Variants in NLGN1 observed in about 807,000 individuals in gnomAD.
The protein encoded by NLGN1 is neuroligin 1.
NLGN1 carries 12 observed loss-of-function variants against 65.5 expected under a neutral mutation model. That is an observed-to-expected ratio of 0.18 (90% confidence interval 0.12 to 0.30). NLGN1 has a LOEUF of 0.30. Ranked by LOEUF, NLGN1 falls within the 10% of genes least tolerant of loss-of-function variation. The pLI is 1.00. For synonymous variants in NLGN1, 350 were observed against 359.5 expected (o/e 0.97, Z 0.30); for missense variants, 750 against 1,007.1 (o/e 0.74, Z 3.46).
chr3:174,179,805 G>T (rs1272421282), intron 4 of NLGN1, among the ~76,000 whole-genome samples: 3 of 152,016 alleles, frequency 2.0e-5, no homozygotes. Context: ...TTGAAGAATA[G>T]AACTTTAATT....
chr3:173,980,666 T>G (rs1455695640), intron 4 of NLGN1, among the ~76,000 whole-genome samples: 8 of 152,102 alleles, frequency 5.3e-5, no homozygotes, highest in Admixed American at 2.6e-4. Context: ...CATTGTATAA[T>G]GACACGGTAT....
intron 3 of NLGN1, among the ~76,000 whole-genome samples, chr3:173,697,799 G>A (rs1458463721): frequency 6.6e-6 from 1 of 151,978 alleles, no homozygotes; most frequent in African/African-American, 2.4e-5. Flanking sequence ...CAAAGTACTG[G>A]GATTACAGGC....
chr3:174,280,536 C>T lies in NLGN1; in HGVS notation c.1705C>T (p.Arg569Cys), dbSNP rs965800500. The T allele has an allele frequency of 5.6e-6, 9 of 1,612,724 alleles. No individual in the cohort carries two copies. The highest frequency in any genetic ancestry group is 1.7e-5 in the Admixed American group (1 of 59,850). ...GAAATTCATTCATACCAAACCCAAC[C>T]GTTTTGAAGAAGTAGCATGGACCAG... The change falls in exon 7 of 7, where the codon CGT becomes TGT. Residue 569 changes from arginine to cysteine, a missense_variant. By Grantham distance (180) the Arg-to-Cys change is radical. Coordinates refer to ENST00000457714, the Ensembl canonical transcript of NLGN1. This position sits in a 1 kb window ranked among gnomAD's most constrained non-coding sequence, Gnocchi z 4.9.
intron 3 of NLGN1, among the ~76,000 whole-genome samples, chr3:173,671,051 G>A (rs866004193): frequency 1.3e-5 from 2 of 152,044 alleles, no homozygotes; most frequent in South Asian, 2.1e-4. Context: ...ATTGAGGAAT[G>A]GTGTATTATT....
chr3:174,079,549 C>T (rs536409396), intron 4 of NLGN1, among the ~76,000 whole-genome samples: 46 of 152,096 alleles, frequency 3.0e-4, no homozygotes, highest in African/African-American at 1.1e-3. Context: ...GGTGTATATC[C>T]AAAGGAATAA....
At chr3:174,197,518 C>CAAAAAACAA (rs71624272) in intron 4 of NLGN1, among the ~76,000 whole-genome samples, 1 of 100,412 alleles carries the variant, frequency 1.0e-5, no homozygotes, top group Non-Finnish European at 1.9e-5. Flanking sequence ...TACTTAACCT[C>CAAAAAACAA]AAAAAAAAAA....
intron 4 of NLGN1, among the ~76,000 whole-genome samples, chr3:174,230,784 A>T (rs374063566): frequency 0.15 from 23,030 of 152,012 alleles, 2,186 homozygotes; most frequent in Non-Finnish European, 0.22. Context: ...TAAATATTTA[A>T]AAAAAATAGA....
chr3:173,538,019 G>C (rs985771795), intron 2 of NLGN1, among the ~76,000 whole-genome samples: 1 of 152,186 alleles, frequency 6.6e-6, no homozygotes, highest in Non-Finnish European at 1.5e-5. Flanking sequence ...TCACCTAGGG[G>C]AAGCATTTCT....
intron 2 of NLGN1, among the ~76,000 whole-genome samples, chr3:173,599,429 C>G (rs1750072300): frequency 6.6e-6 from 1 of 152,070 alleles, no homozygotes; most frequent in Non-Finnish European, 1.5e-5. Flanking sequence ...CTTTAACCAC[C>G]ACTAGTGTAT....
chr3:174,079,315 A>T (rs1006127291), intron 4 of NLGN1, among the ~76,000 whole-genome samples: 1 of 152,228 alleles, frequency 6.6e-6, no homozygotes, highest in Non-Finnish European at 1.5e-5. Flanking sequence ...CTTTAGAGAA[A>T]TGCCAGTCAA....
At chr3:173,913,963 A>G (rs760367414) in intron 4 of NLGN1, among the ~76,000 whole-genome samples, 4 of 152,216 alleles carry the variant, frequency 2.6e-5, no homozygotes, top group African/African-American at 7.2e-5. Flanking sequence ...GGAAACTTGT[A>G]TAGCATACTC....
rs76136919 is a variant in NLGN1 at position 173,717,818 on chromosome 3, G to A, written c.494-89862G>A. ...AATTAAAGATATCAAAATATCTCAC[G>A]TACCCCATAAATATATAAACCTACT... On this transcript the variant is annotated intron_variant, in intron 3 of 6. Transcript: ENST00000457714. Among the ~76,000 whole-genome samples the A allele has an allele frequency of 5.0e-3, 764 of 151,870 alleles. 7 individuals are homozygous for A. Among genetic ancestry groups the A allele is most frequent in the Non-Finnish European group, 5.5e-3 (374 of 67,932 alleles).
chr3:174,171,316 TCTTC>T (rs1222918785), intron 4 of NLGN1, among the ~76,000 whole-genome samples: 1 of 144,064 alleles, frequency 6.9e-6, no homozygotes, highest in Non-Finnish European at 1.5e-5. Context: ...CCTACATTTC[TCTTC>T]TTTATTAAAA....
intron 4 of NLGN1, among the ~76,000 whole-genome samples, chr3:174,271,706 C>T (rs1402398430): frequency 6.6e-6 from 1 of 151,654 alleles, no homozygotes; most frequent in Non-Finnish European, 1.5e-5. Context: ...ACTAGTAGTT[C>T]CATGTAGGAA....
At chr3:174,242,911 C>T (rs16858352) in intron 4 of NLGN1, among the ~76,000 whole-genome samples, 1,686 of 152,020 alleles carry the variant, frequency 0.011, 23 homozygotes, top group African/African-American at 0.038. Context: ...AATGATCTAA[C>T]GGCGTTAAAT....
At chr3:173,781,429 A>G (rs1781142421) in intron 3 of NLGN1, among the ~76,000 whole-genome samples, 1 of 152,190 alleles carries the variant, frequency 6.6e-6, no homozygotes, top group South Asian at 2.1e-4. Context: ...TACCTAATTC[A>G]TTTTAGTAAA....
chr3:173,992,023 T>G (rs1721228000), intron 4 of NLGN1, among the ~76,000 whole-genome samples: 1 of 152,150 alleles, frequency 6.6e-6, no homozygotes, highest in Non-Finnish European at 1.5e-5. Context: ...AGATGGGGTT[T>G]CACTATGTTG....
At chr3:173,974,712 CAT>C (rs1423887167) in intron 4 of NLGN1, among the ~76,000 whole-genome samples, 1 of 152,036 alleles carries the variant, frequency 6.6e-6, no homozygotes, top group African/African-American at 2.4e-5. Flanking sequence ...GAATTTGTTA[CAT>C]ATGTTGGCAA....
chr3:173,771,842 TA>T (rs1779634099), intron 3 of NLGN1, among the ~76,000 whole-genome samples: 1 of 151,782 alleles, frequency 6.6e-6, no homozygotes, highest in Non-Finnish European at 1.5e-5. Context: ...AGAAACAAAT[TA>T]AAATATAATT....
Sources: allele counts gnomAD v4.1 joint callset (sites outside exome capture counted in the v4.1 genomes callset), GRCh38; gene constraint gnomAD v4.1.1; non-coding constraint Gnocchi (gnomAD v3.1); transcripts MANE v1.5; gene names NCBI Gene and HGNC (gene_info 2026-07-23, HGNC 2026-07-21).